RUNDC3B: variants seen among roughly 807,000 people sequenced by gnomAD.
RUNDC3B encodes RUN domain containing 3B.
RUNDC3B carries 33 observed loss-of-function variants against 58.4 expected under a neutral mutation model. The observed-to-expected ratio is 0.56, with a 90% CI of 0.43 to 0.75. The LOEUF is 0.75. Ranked by LOEUF, RUNDC3B falls within the 30% of genes least tolerant of loss-of-function variation. The pLI is 0.00. For synonymous variants in RUNDC3B, 193 were observed against 195.2 expected (o/e 0.99, Z 0.10); for missense variants, 501 against 535.7 (o/e 0.94, Z 0.64).
intron 2 of RUNDC3B, among the ~76,000 whole-genome samples, chr7:87,686,342 A>G (rs1186198509): frequency 1.3e-5 from 2 of 152,214 alleles, no homozygotes. Flanking sequence ...ATCAAGTCAT[A>G]ATAGAAGTAT....
chr7:87,638,331 T>C (rs902551871), intron 1 of RUNDC3B, among the ~76,000 whole-genome samples: 1 of 142,590 alleles, frequency 7.0e-6, no homozygotes, highest in African/African-American at 2.7e-5. Context: ...TAAAACAAGT[T>C]AGGAAGTATG....
chr7:87,830,477 A>G lies in RUNDC3B; in HGVS notation c.*447A>G, dbSNP rs1432198912. On this transcript the variant is annotated 3_prime_UTR_variant, in exon 11 of 11. Transcript: ENST00000394654. ...AAAAAAAAGTTAATTTCATTTTTTC[A>G]TTAATGTCTTCCTAAGTTCTATGCT... 1 of 148,616 alleles carries G rather than the reference A, an allele frequency of 6.7e-6. No homozygotes were observed. Among genetic ancestry groups the G allele is most frequent in the Non-Finnish European group, 1.5e-5 (1 of 67,120 alleles). The allele number at this position is 148,616 out of a possible 1,614,324, so 9.2% of individuals were successfully genotyped here. A position where few individuals can be genotyped will look rare whatever the true frequency, so the allele number is the denominator to read the frequency against.
chr7:87,761,559 G>A (rs1833683459), intron 6 of RUNDC3B, among the ~76,000 whole-genome samples: 1 of 151,812 alleles, frequency 6.6e-6, no homozygotes, highest in Non-Finnish European at 1.5e-5. Context: ...GCCAAAAGTG[G>A]ACACAATGCA....
At chr7:87,701,768 C>T (rs1046941199) in intron 3 of RUNDC3B, among the ~76,000 whole-genome samples, 1 of 152,096 alleles carries the variant, frequency 6.6e-6, no homozygotes. Context: ...TCAACCAAAA[C>T]AACACATTGT....
chr7:87,700,308 C>A, intron 2 of RUNDC3B, 113 bp from the exon 3 acceptor site: 1 of 814,108 alleles, frequency 1.2e-6, no homozygotes, highest in Non-Finnish European at 1.8e-6. Flanking sequence ...GGTGCCCTTG[C>A]CATTATAGTT....
intron 10 of RUNDC3B, among the ~76,000 whole-genome samples, chr7:87,820,512 G>T (rs935831291): frequency 3.5e-4 from 53 of 152,248 alleles, no homozygotes; most frequent in Admixed American, 7.2e-4. Context: ...AATAGAAAAA[G>T]AGAGAATCCT....
chr7:87,674,798 C>A (rs181545444), intron 2 of RUNDC3B, among the ~76,000 whole-genome samples: 8 of 152,224 alleles, frequency 5.3e-5, no homozygotes, highest in Non-Finnish European at 8.8e-5. Context: ...GGCTAGCTGA[C>A]AGGAGGGTGC....
intron 2 of RUNDC3B, among the ~76,000 whole-genome samples, chr7:87,659,728 A>G (rs568644270): frequency 3.3e-5 from 5 of 152,296 alleles, no homozygotes; most frequent in African/African-American, 1.2e-4. Flanking sequence ...CTGCTGTGTC[A>G]TTCTCTGGGT....
At chr7:87,751,199 G>T (rs1021562219) in intron 6 of RUNDC3B, among the ~76,000 whole-genome samples, 2 of 152,034 alleles carry the variant, frequency 1.3e-5, no homozygotes, top group Non-Finnish European at 2.9e-5. Flanking sequence ...TAGATATGTG[G>T]CATTATTTCT....
At chr7:87,779,419 G>A (rs1380065067) in intron 8 of RUNDC3B, among the ~76,000 whole-genome samples, 2 of 152,112 alleles carry the variant, frequency 1.3e-5, no homozygotes, top group Admixed American at 1.3e-4. Flanking sequence ...TGATTAGAAT[G>A]AGCTTATCCA....
chr7:87,747,268 T>C (rs111597859), intron 6 of RUNDC3B, among the ~76,000 whole-genome samples: 25 of 152,186 alleles, frequency 1.6e-4, no homozygotes, highest in African/African-American at 6.0e-4. Flanking sequence ...ACTCAGTGAG[T>C]CTACTTGGCT....
chr7:87,768,357 C>T (rs1834088448), intron 6 of RUNDC3B, among the ~76,000 whole-genome samples: 1 of 152,176 alleles, frequency 6.6e-6, no homozygotes, highest in African/African-American at 2.4e-5. Flanking sequence ...CTGCAGCTCC[C>T]CAGGGTCCTG....
chr7:87,794,322 C>T (rs1462050779), intron 8 of RUNDC3B, among the ~76,000 whole-genome samples: 2 of 152,146 alleles, frequency 1.3e-5, no homozygotes, highest in African/African-American at 4.8e-5. Context: ...GTAGTCCTAG[C>T]TATTCAGGAG....
intron 8 of RUNDC3B, among the ~76,000 whole-genome samples, chr7:87,799,070 G>C (rs890396507): frequency 6.6e-6 from 1 of 152,166 alleles, no homozygotes; most frequent in African/African-American, 2.4e-5. Flanking sequence ...ATTCCAGGAA[G>C]CTTTAAATGA....
At chr7:87,660,674 A>G (rs1824609148) in intron 2 of RUNDC3B, among the ~76,000 whole-genome samples, 1 of 151,520 alleles carries the variant, frequency 6.6e-6, no homozygotes, top group South Asian at 2.1e-4. Flanking sequence ...CTTTGGCTCT[A>G]TTATGTTTAT....
chr7:87,772,860 A>G (rs1183906852), intron 7 of RUNDC3B, among the ~76,000 whole-genome samples: 3 of 152,124 alleles, frequency 2.0e-5, no homozygotes, highest in African/African-American at 7.2e-5. Flanking sequence ...GCTGTATGCT[A>G]TTGATAAGAG....
At chr7:87,765,713 A>T (rs1833942833) in intron 6 of RUNDC3B, among the ~76,000 whole-genome samples, 1 of 152,136 alleles carries the variant, frequency 6.6e-6, no homozygotes, top group Non-Finnish European at 1.5e-5. Flanking sequence ...ATGACCAACC[A>T]TATGGTCAGT....
At chr7:87,719,775 C>A (rs1347533496) in intron 4 of RUNDC3B, among the ~76,000 whole-genome samples, 2 of 151,446 alleles carry the variant, frequency 1.3e-5, no homozygotes, top group Admixed American at 6.6e-5. Flanking sequence ...ATCAGTTTGC[C>A]ATTTTGAAAA....
chr7:87,691,956 T>G (rs1378838742), intron 2 of RUNDC3B, among the ~76,000 whole-genome samples: 1 of 152,188 alleles, frequency 6.6e-6, no homozygotes, highest in Non-Finnish European at 1.5e-5. Flanking sequence ...ACTTGGAATA[T>G]AGTGGATTGT....
Sources: allele counts gnomAD v4.1 joint callset (sites outside exome capture counted in the v4.1 genomes callset), GRCh38; gene constraint gnomAD v4.1.1; transcripts MANE v1.5; gene names NCBI Gene and HGNC (gene_info 2026-07-23, HGNC 2026-07-21).